Variants in CRISPLD1 observed in about 807,000 individuals in gnomAD.
The protein encoded by CRISPLD1 is cysteine rich secretory protein LCCL domain containing 1.
In CRISPLD1, 60 loss-of-function variants were observed where a neutral mutation model predicts 77.5. The ratio of observed to expected loss-of-function variants is 0.77; its 90% CI spans 0.63 to 0.96. The LOEUF (loss-of-function observed/expected upper bound fraction) is 0.96. Among genes scored for constraint, CRISPLD1 ranks in the 40% least tolerant of loss-of-function variants. The pLI is 0.00. For missense variants in CRISPLD1, 623 were observed against 615.8 expected, an observed-to-expected ratio of 1.01 and a Z score of -0.12; for synonymous variants, 195 against 200.1, an observed-to-expected ratio of 0.97 and a Z score of 0.22.
In CRISPLD1 at chr8:75,014,852, C is replaced by T. The variant is rs760405434; in HGVS notation, c.667C>T (p.Pro223Ser). ...CCATGCCCCTTACAAACATGGGCGG[C>T]CCTGTTCTGCTTGCCCACCTAGTTT... ...WGHAPYKHGR[P>S]CSACPPSFGG... is the part of the protein sequence containing the mutation. Residue 223 changes from proline (P) to serine (S), a missense_variant, in exon 6 of 15, where the codon CCC becomes TCC. Transcript: ENST00000262207. The T allele has an allele frequency of 6.3e-7, 1 of 1,583,722 alleles. No homozygotes were observed. The highest frequency in any genetic ancestry group is 2.3e-5 in the East Asian group (1 of 42,742).
Position 75,029,391 on chromosome 8 carries a change from C to A in CRISPLD1, c.1325C>A (p.Ser442Tyr), listed in dbSNP as rs1400895973. 6.2e-7 allele frequency: 1 copy of A among 1,611,732 alleles called. No homozygotes were observed. The change falls in exon 14 of 15, where the codon TCC (serine) becomes TAC (tyrosine). Residue 442 changes from serine to tyrosine, a missense_variant. Coordinates refer to ENST00000262207, the MANE Select transcript of CRISPLD1 (RefSeq NM_031461.6). ...VIGTRVYSDLSSICRAAVHAG... is the reference protein window; with the variant it reads ...VIGTRVYSDLYSICRAAVHAG... The stretch of plus-strand genomic sequence containing the variant: ...TTTGTTTCTTTACCTTCTCAGCTGT[C>A]CAGTATCTGCAGAGCAGCAGTACAT...
intron 2 of CRISPLD1, among the ~76,000 whole-genome samples, chr8:74,999,585 G>A (rs1812703366): frequency 6.6e-6 from 1 of 152,106 alleles, no homozygotes; most frequent in Non-Finnish European, 1.5e-5. Context: ...GGTGGCCGCT[G>A]TTCTAGCAAC....
chr8:75,029,090 C>T (rs1014071660), intron 13 of CRISPLD1, among the ~76,000 whole-genome samples: 2 of 152,134 alleles, frequency 1.3e-5, no homozygotes, highest in African/African-American at 2.4e-5. Flanking sequence ...CTTTTTATTG[C>T]TTTGATACTC....
chr8:75,002,689 A>G lies in CRISPLD1; in HGVS notation c.259-9744A>G, dbSNP rs1224768534. 2.6e-5 allele frequency among the ~76,000 whole-genome samples: 4 copies of G among 151,898 alleles called. No homozygotes were observed. In the East Asian group the frequency reaches 5.8e-4, roughly 22 times the overall value. ...GGCCAAGAGGACTCAGAGGGGCAAC[A>G]CGTTCTGAAATTCACCTCCCACCCT... On this transcript the variant is annotated intron_variant, in intron 2 of 14. Coordinates refer to ENST00000262207, the MANE Select transcript of CRISPLD1 (RefSeq NM_031461.6).
intron 10 of CRISPLD1, among the ~76,000 whole-genome samples, 175 bp downstream of exon 10, chr8:75,017,625 C>A (rs1813058081): frequency 6.6e-6 from 1 of 152,058 alleles, no homozygotes; most frequent in African/African-American, 2.4e-5. Flanking sequence ...CATTTAAGGT[C>A]AAAGTTGAAC....
intron 9 of CRISPLD1, 45 bp downstream of exon 9, chr8:75,017,158 G>T (rs1813046758): frequency 1.3e-6 from 2 of 1,554,694 alleles, no homozygotes; most frequent in Non-Finnish European, 8.8e-7. Context: ...GTCATTCCAT[G>T]TAATATTTGA....
At chr8:75,031,852 GAAT>G (rs983771251) in intron 14 of CRISPLD1, among the ~76,000 whole-genome samples, 12 of 151,870 alleles carry the variant, frequency 7.9e-5, no homozygotes, top group Non-Finnish European at 1.6e-4. Flanking sequence ...CATTAAAATT[GAAT>G]AACAGCTGCT....
Position 75,029,461 on chromosome 8 carries a change from T to C in CRISPLD1, c.1395T>C (p.Pro465=), listed in dbSNP as rs1289186253. ...ACGGTGGTTATGTTGATGTAATGCC[T>C]GTGGACAAAAGAAAGACCTACATTG... is the stretch of plus-strand genomic sequence containing the variant. ...RNHGGYVDVM[P]VDKRKTYIAS... is the part of the protein sequence containing the mutation. Residue 465 remains proline, a synonymous_variant, in exon 14 of 15, where the codon CCT becomes CCC. Transcript: ENST00000262207. 6.2e-7 allele frequency: 1 copy of C among 1,613,748 alleles called. No individual in the cohort carries two copies. Among genetic ancestry groups the C allele is most frequent in the African/African-American group, 1.3e-5 (1 of 74,914 alleles).
Position 75,032,237 on chromosome 8 carries a change from G to A in CRISPLD1, c.1498G>A (p.Val500Met), listed in dbSNP as rs780774164. Residue 500 changes from valine (V) to methionine (M), a missense_variant, in exon 15 of 15, where the codon GTG becomes ATG. Transcript: ENST00000262207. The part of the protein sequence containing the change: ...GGKAFRVFAV[V>M] ...AAAGGCATTCAGAGTGTTTGCTGTT[G>A]TGTGAAACTGAATACTTGGAAGAGG... is the stretch of plus-strand genomic sequence containing the variant. 3.7e-6 allele frequency: 6 copies of A among 1,604,462 alleles called. No homozygotes were observed. In the South Asian group the frequency reaches 5.6e-5, roughly 15 times the overall value.
Position 75,001,508 on chromosome 8 carries a change from G to A in CRISPLD1, c.259-10925G>A, listed in dbSNP as rs760033598. 4.2e-4 allele frequency among the ~76,000 whole-genome samples: 64 copies of A among 152,264 alleles called. 1 individual carries two copies. Among genetic ancestry groups the A allele is most frequent in the Non-Finnish European group, 1.6e-4 (11 of 68,020 alleles). On this transcript the variant is annotated intron_variant, in intron 2 of 14. Transcript: ENST00000262207. ...AGTACAAAGTAGTATATTTTAAACT[G>A]CATATAAATCATGAAGAATTTCAGA... is the stretch of plus-strand genomic sequence containing the variant.
At chr8:74,997,758 A>G (rs958229719) in intron 2 of CRISPLD1, among the ~76,000 whole-genome samples, 10 of 152,350 alleles carry the variant, frequency 6.6e-5, no homozygotes, top group African/African-American at 2.2e-4. Flanking sequence ...AGGAGAGTTC[A>G]ACAGGAAAAA....
intron 5 of CRISPLD1, 90 bp downstream of exon 5, chr8:75,014,192 G>A: frequency 2.5e-6 from 2 of 805,294 alleles, no homozygotes; most frequent in Admixed American, 4.2e-5. Context: ...CATTTTCAGT[G>A]TGTATCACTG....
chr8:75,012,954 T>C lies in CRISPLD1; in HGVS notation c.442T>C (p.Tyr148His), dbSNP rs768182921. Residue 148 changes from tyrosine (Y) to histidine (H), a missense_variant, in exon 4 of 15, where the codon TAT becomes CAT. Coordinates refer to ENST00000262207, the MANE Select transcript of CRISPLD1 (RefSeq NM_031461.6). Reference protein sequence around the residue: ...YDEVKDFSYPYEHECNPYCPF... With the variant: ...YDEVKDFSYPHEHECNPYCPF... Reference sequence around the variant, plus strand: ...TGAAGTGAAAGACTTTAGCTACCCATATGAACATGAATGCAACCCATATTG... The same window carrying C: ...TGAAGTGAAAGACTTTAGCTACCCACATGAACATGAATGCAACCCATATTG... The C allele has an allele frequency of 6.2e-7, 1 of 1,612,968 alleles. No homozygotes were observed. The highest frequency in any genetic ancestry group is 1.1e-5 in the South Asian group (1 of 91,016).
chr8:75,011,328 A>C (rs531345831), intron 2 of CRISPLD1, among the ~76,000 whole-genome samples: 83 of 123,972 alleles, frequency 6.7e-4, no homozygotes, highest in Non-Finnish European at 1.1e-3. Context: ...TCCTGTGTCC[A>C]TGTGTTCTCA....
At position 75,032,584 on chromosome 8, in the gene CRISPLD1, T is replaced by C. The variant is rs918947657; in HGVS notation, c.*342T>C. ...GCCACTAATAAAATGAATCTAAACA[T>C]TGAATGTGAATGGCCCTCAGAAAAT... On this transcript the variant is annotated 3_prime_UTR_variant, in exon 15 of 15. Transcript: ENST00000262207. 5.9e-6 allele frequency: 1 copy of C among 170,672 alleles called. No individual in the cohort carries two copies. The highest frequency in any genetic ancestry group is 2.0e-4 in the South Asian group (1 of 5,036). 10.6% of individuals were successfully genotyped at this position (170,672 alleles called of 1,614,324 possible).
intron 10 of CRISPLD1, 101 bp from the exon 11 acceptor site, chr8:75,019,769 A>G: frequency 2.3e-6 from 2 of 883,158 alleles, no homozygotes; most frequent in Non-Finnish European, 3.6e-6. Context: ...TAAGTGTTTA[A>G]AAAGAAAATT....
chr8:74,993,634 G>A lies in CRISPLD1; in HGVS notation c.258+7389G>A, dbSNP rs529563777. ...GATGACAATACCTATAGAAAAAAAA[G>A]TGACATTACAACCCAGTTCTATTCT... On this transcript the variant is annotated intron_variant, in intron 2 of 14. Coordinates refer to ENST00000262207, the MANE Select transcript of CRISPLD1 (RefSeq NM_031461.6). Among the ~76,000 whole-genome samples, 4 of 152,252 alleles carry A rather than the reference G, an allele frequency of 2.6e-5. No homozygotes were observed. The South Asian group carries it at 8.3e-4, about 32-fold the overall frequency.
intron 2 of CRISPLD1, among the ~76,000 whole-genome samples, chr8:74,993,926 A>C (rs1812611317): frequency 6.6e-6 from 1 of 152,234 alleles, no homozygotes; most frequent in Admixed American, 6.5e-5. Context: ...TGGCAGACAG[A>C]GGGAGCATGA....
intron 4 of CRISPLD1, among the ~76,000 whole-genome samples, chr8:75,013,406 G>A (rs1026492783): frequency 1.4e-4 from 21 of 152,022 alleles, no homozygotes; most frequent in Admixed American, 1.2e-3. Flanking sequence ...TATATTTCGT[G>A]TTCACAATTG....
Sources: allele counts gnomAD v4.1 joint callset (sites outside exome capture counted in the v4.1 genomes callset), GRCh38; gene constraint gnomAD v4.1.1; transcripts MANE v1.5; gene names NCBI Gene and HGNC (gene_info 2026-07-23, HGNC 2026-07-21).